The following CD99L2 variants were observed in gnomAD, a reference collection of about 807,000 sequenced individuals.
CD99L2 encodes the protein CD99 molecule like 2.
Under a neutral mutation model 27.3 loss-of-function variants are expected in CD99L2, and 24 were observed. The observed-to-expected ratio is 0.88, with a 90% CI of 0.64 to 1.24. The LOEUF (loss-of-function observed/expected upper bound fraction) is 1.24, where lower values mean the gene tolerates loss of function less well. Ranked by LOEUF, CD99L2 falls within the 50% of genes most tolerant of loss-of-function variation. CD99L2 has a pLI of 0.00. For missense variants in CD99L2, 255 were observed against 221.6 expected (o/e 1.15, Z -0.96); for synonymous variants, 97 against 87.9 (o/e 1.10, Z -0.58).
intron 7 of CD99L2, among the ~76,000 whole-genome samples, chrX:150,789,480 T>C (rs1258011937): frequency 8.9e-6 from 1 of 112,354 alleles, no homozygotes; most frequent in Non-Finnish European, 1.9e-5. Context: ...ATTTTGCAAA[T>C]ATTTTCTCCA....
intron 1 of CD99L2, among the ~76,000 whole-genome samples, chrX:150,847,476 C>A (rs1409389733): frequency 9.0e-6 from 1 of 111,531 alleles, no homozygotes; most frequent in Non-Finnish European, 1.9e-5. Context: ...TATTTTTAAA[C>A]ATGCTCAAAT....
chrX:150,844,348 C>T (rs1381145195), intron 1 of CD99L2, among the ~76,000 whole-genome samples: 2 of 111,919 alleles, frequency 1.8e-5, no homozygotes, highest in Admixed American at 9.4e-5. Flanking sequence ...GAAATCTATG[C>T]GACAAACTCA....
intron 10 of CD99L2, among the ~76,000 whole-genome samples, 180 bp from the exon 11 acceptor site, chrX:150,769,281 A>G (rs781947429): frequency 8.9e-6 from 1 of 112,011 alleles, no homozygotes; most frequent in African/African-American, 3.2e-5. Context: ...GGGGAGAGAA[A>G]GAGAAAGCTG....
intron 1 of CD99L2, among the ~76,000 whole-genome samples, chrX:150,855,631 G>C (rs2046871244): frequency 9.0e-6 from 1 of 111,573 alleles, no homozygotes; most frequent in African/African-American, 3.3e-5. Flanking sequence ...TGAGACATGA[G>C]ATTTGACTGA....
intron 2 of CD99L2, chrX:150,829,675 G>A (rs2046412418): frequency 1.9e-5 from 4 of 208,672 alleles, no homozygotes; most frequent in South Asian, 1.2e-4. Flanking sequence ...CCTCACACCT[G>A]TTAACATTAA....
intron 1 of CD99L2, among the ~76,000 whole-genome samples, chrX:150,869,529 G>A (rs2047122288): frequency 8.9e-6 from 1 of 112,105 alleles, no homozygotes; most frequent in Non-Finnish European, 1.9e-5. Flanking sequence ...GTATGTGTGT[G>A]ATTGTGTCTT....
At chrX:150,833,950 T>G (rs141227111) in intron 1 of CD99L2, among the ~76,000 whole-genome samples, 7,735 of 106,244 alleles carry the variant, frequency 0.073, 285 homozygotes, top group Middle Eastern at 0.11. Context: ...AACTAAAAAG[T>G]TTCTGCACAG....
intron 4 of CD99L2, among the ~76,000 whole-genome samples, chrX:150,797,118 A>G (rs141905924): frequency 0.072 from 8,003 of 110,891 alleles, 386 homozygotes; most frequent in African/African-American, 0.17. Flanking sequence ...TACTAGAAAA[A>G]CAAAACCAAA....
intron 1 of CD99L2, among the ~76,000 whole-genome samples, chrX:150,874,541 T>C (rs1245613223): frequency 1.3e-5 from 1 of 78,471 alleles, no homozygotes; most frequent in African/African-American, 5.2e-5. Context: ...GCTAGAAGGA[T>C]GGCACCATCC....
intron 7 of CD99L2, among the ~76,000 whole-genome samples, chrX:150,791,303 T>A: frequency 8.9e-6 from 1 of 111,950 alleles, no homozygotes; most frequent in Non-Finnish European, 1.9e-5. Context: ...GATATACCAC[T>A]AAGCAATGAA....
rs1482963778 is a variant in CD99L2, at chrX:150,852,251, T to A, written c.68-20958A>T. ...TCGCTCTGTTGTGTGGAGACTTGTT[T>A]GTAGGAGGCCAGTTGGGGAGCTGTG... On this transcript the variant is annotated intron_variant, in intron 1 of 10. Transcript: ENST00000370377. Among the ~76,000 whole-genome samples, 4 of 111,410 alleles carry A rather than the reference T, an allele frequency of 3.6e-5. No homozygotes were observed. In the Admixed American group the frequency reaches 3.8e-4, roughly 11 times the overall value.
chrX:150,835,316 T>C (rs2046510472), intron 1 of CD99L2, among the ~76,000 whole-genome samples: 1 of 112,458 alleles, frequency 8.9e-6, no homozygotes. Flanking sequence ...CTACACACAT[T>C]GTACCCTATA....
rs200126843 is a variant in CD99L2 at position 150,776,038 on chromosome X, TCCACCC to T, written c.655+130_655+135del. The T allele has an allele frequency of 2.3e-3, 1,989 of 852,746 alleles. 36 individuals are homozygous for T. The African/African-American group carries it at 0.037, about 16-fold the overall frequency. 70.3% of individuals were successfully genotyped at this position (852,746 alleles called of 1,213,427 possible). ...CCCAGGGATTTCCAAAACTGTTGCC[TCCACCC>T]CCGTCCCAGGAAGTCTGCTTGGGAG... On this transcript the variant is annotated intron_variant, in intron 9 of 10. Transcript: ENST00000370377.
intron 1 of CD99L2, among the ~76,000 whole-genome samples, chrX:150,836,420 C>G (rs1223714377): frequency 9.1e-6 from 1 of 110,088 alleles, no homozygotes; most frequent in Non-Finnish European, 1.9e-5. Flanking sequence ...CTCAGCTCAC[C>G]AGGTTCAAGC....
intron 4 of CD99L2, among the ~76,000 whole-genome samples, chrX:150,813,290 G>T (rs1268720660): frequency 8.9e-6 from 1 of 111,897 alleles, no homozygotes; most frequent in Non-Finnish European, 1.9e-5. Context: ...TCAATATATG[G>T]CTATGATAGT....
At chrX:150,789,884 C>CA (rs782124576) in intron 7 of CD99L2, among the ~76,000 whole-genome samples, 4 of 111,031 alleles carry the variant, frequency 3.6e-5, no homozygotes, top group Non-Finnish European at 5.7e-5. Context: ...GATCCTATCT[C>CA]AAAAAAAAGT....
chrX:150,831,334 A>G, intron 1 of CD99L2, 41 bp from the exon 2 acceptor site: 16 of 1,023,360 alleles, frequency 1.6e-5, no homozygotes, highest in Non-Finnish European at 2.0e-5. Flanking sequence ...TTTGCATAAA[A>G]CAAAGTAATA....
At chrX:150,842,064 G>A (rs782497231) in intron 1 of CD99L2, among the ~76,000 whole-genome samples, 4 of 111,468 alleles carry the variant, frequency 3.6e-5, no homozygotes, top group Non-Finnish European at 7.5e-5. Context: ...TTCACAACCC[G>A]CAGTCCCTGT....
chrX:150,845,873 G>A (rs2124279913), intron 1 of CD99L2, among the ~76,000 whole-genome samples: 1 of 112,766 alleles, frequency 8.9e-6, no homozygotes, highest in East Asian at 2.8e-4. Context: ...GGGCCACAGT[G>A]TCTGTGAAGC....
Sources: allele counts gnomAD v4.1 joint callset (sites outside exome capture counted in the v4.1 genomes callset), GRCh38; gene constraint gnomAD v4.1.1; transcripts MANE v1.5; gene names NCBI Gene and HGNC (gene_info 2026-07-23, HGNC 2026-07-21).